The following SPATA7 variants were observed in gnomAD, a reference collection of about 807,000 sequenced individuals.
The protein encoded by SPATA7 is spermatogenesis associated 7, also known as spermatogenesis-associated protein 7.
Under a neutral mutation model 51.8 loss-of-function variants are expected in SPATA7, and 43 were observed. That is an observed-to-expected ratio of 0.83 (90% confidence interval 0.65 to 1.07). The LOEUF (loss-of-function observed/expected upper bound fraction) is 1.07, where lower values mean the gene tolerates loss of function less well. Among genes scored for constraint, SPATA7 ranks in the 50% least tolerant of loss-of-function variants. The pLI is 0.00. For synonymous variants in SPATA7, 230 were observed against 252.8 expected, an observed-to-expected ratio of 0.91 and a Z score of 0.86; for missense variants, 683 against 701.3, an observed-to-expected ratio of 0.97 and a Z score of 0.30.
intron 3 of SPATA7, among the ~76,000 whole-genome samples, chr14:88,395,059 G>C (rs2075844784): frequency 6.6e-6 from 1 of 151,960 alleles, no homozygotes; most frequent in African/African-American, 2.4e-5. Flanking sequence ...TCTGTAGCTG[G>C]TGTTTTCATT....
intron 4 of SPATA7, chr14:88,466,972 G>A (rs2077373970): frequency 6.6e-6 from 1 of 152,150 alleles, no homozygotes; most frequent in Non-Finnish European, 1.5e-5. Context: ...AACAATACAG[G>A]TTGAGGTGGG....
In SPATA7 at chr14:88,427,581, G is replaced by C. The variant is rs758207422; in HGVS notation, c.846-49G>C. 1.8e-5 allele frequency: 23 copies of C among 1,297,742 alleles called. 1 individual carries two copies. In the South Asian group the frequency reaches 2.9e-4, roughly 16 times the overall value. 80.4% of individuals were successfully genotyped at this position (1,297,742 alleles called of 1,614,324 possible). On this transcript the variant is annotated intron_variant, in intron 6 of 11. Coordinates refer to ENST00000393545, the MANE Select transcript of SPATA7 (RefSeq NM_018418.5). ...CTAGCCAGTAAACCTTGTTACCACA[G>C]TGCTTATATTTTGAAGGATTAACAA...
downstream of SPATA7, among the ~76,000 whole-genome samples, chr14:88,439,150 A>G (rs1432212666): frequency 6.6e-6 from 1 of 152,220 alleles, no homozygotes; most frequent in Non-Finnish European, 1.5e-5. Flanking sequence ...GCTATGGGAA[A>G]TGGTTTATGA....
intron 5 of SPATA7, among the ~76,000 whole-genome samples, chr14:88,424,835 A>G (rs1332201574): frequency 6.6e-6 from 1 of 152,194 alleles, no homozygotes; most frequent in Non-Finnish European, 1.5e-5. Context: ...GTTATAAAAC[A>G]GTTGGAAAGG....
intron 10 of SPATA7, among the ~76,000 whole-genome samples, chr14:88,434,556 G>A (rs34365870): frequency 0.16 from 24,333 of 151,646 alleles, 2,279 homozygotes; most frequent in Middle Eastern, 0.24. Flanking sequence ...GTGGTGGTGC[G>A]CGCCTGTAGT....
intron 5 of SPATA7, among the ~76,000 whole-genome samples, chr14:88,422,021 G>A (rs2076660526): frequency 6.6e-6 from 1 of 152,060 alleles, no homozygotes; most frequent in Non-Finnish European, 1.5e-5. Context: ...AGAAGCAGGA[G>A]TTAAAATCCT....
At chr14:88,422,502 A>C (rs1330189151) in intron 5 of SPATA7, among the ~76,000 whole-genome samples, 4 of 151,168 alleles carry the variant, frequency 2.6e-5, no homozygotes, top group Non-Finnish European at 5.9e-5. Flanking sequence ...TTACTAATTA[A>C]ATTTTGAGAT....
chr14:88,458,442 T>G (rs1291466672), downstream of SPATA7, among the ~76,000 whole-genome samples: 1 of 152,196 alleles, frequency 6.6e-6, no homozygotes. Context: ...TTCTTCCTGG[T>G]TTAGTCTTGG....
Position 88,469,010 on chromosome 14 carries a change from T to C in SPATA7, c.255-837T>C, listed in dbSNP as rs139106438. The C allele has an allele frequency of 2.5e-5, 41 of 1,613,970 alleles. No individual in the cohort carries two copies. In the African/African-American group the frequency reaches 4.4e-4, roughly 17 times the overall value. On this transcript the variant is annotated intron_variant, in intron 4 of 4. Coordinates refer to the SPATA7 transcript ENST00000556406. This position sits in a 1 kb window ranked among gnomAD's most constrained non-coding sequence, Gnocchi z 4.3. ...ACTGCAGTGGACCAACAACGGAGGG[T>C]TGGGGCTTTGGGGATCACTTGTGCT... is the stretch of plus-strand genomic sequence containing the variant.
At chr14:88,465,492 T>C (rs1028521781) in intron 4 of SPATA7, among the ~76,000 whole-genome samples, 1 of 152,058 alleles carries the variant, frequency 6.6e-6, no homozygotes, top group Non-Finnish European at 1.5e-5. Flanking sequence ...AATGAGTACT[T>C]TCTGTGCTCA....
chr14:88,437,819 C>G lies in SPATA7; in HGVS notation c.1216-19C>G. The G allele has an allele frequency of 6.3e-7, 1 of 1,578,232 alleles. No individual in the cohort carries two copies. Among genetic ancestry groups the G allele is most frequent in the Non-Finnish European group, 8.6e-7 (1 of 1,166,794 alleles). On this transcript the variant is annotated intron_variant, in intron 11 of 11. Coordinates refer to ENST00000393545, the MANE Select transcript of SPATA7 (RefSeq NM_018418.5). ...TTGACTCAATTAATGTAATTAGTCT[C>G]ATCTTTTCTTAATCCTAGGAAAAAA...
chr14:88,413,095 G>A (rs999666320), intron 4 of SPATA7, among the ~76,000 whole-genome samples: 1 of 152,082 alleles, frequency 6.6e-6, no homozygotes, highest in Admixed American at 6.6e-5. Flanking sequence ...AAAATGATGT[G>A]AGTAGTTTGA....
rs386834241 is a variant in SPATA7, at chr14:88,429,394, T to TA, written c.960dup (p.Pro321ThrfsTer6). On this transcript the variant is annotated frameshift_variant, in exon 8 of 12. Transcript: ENST00000393545. LOFTEE classifies it high-confidence loss of function. ...GATGCCAAAGAAAAAATAGCTCCTT[T>TA]ACCTTTAGAAGGGCATGACTCAACA... 5.6e-6 allele frequency: 9 copies of TA among 1,612,772 alleles called. No homozygotes were observed. The South Asian group carries it at 9.9e-5, about 18-fold the overall frequency.
chr14:88,411,686 C>T (rs1202529342), intron 4 of SPATA7, among the ~76,000 whole-genome samples: 2 of 152,252 alleles, frequency 1.3e-5, no homozygotes, highest in East Asian at 3.9e-4. Context: ...TTCAGCTCAC[C>T]CTCCGTGGGC....
Position 88,437,936 on chromosome 14 carries a change from A to G in SPATA7, c.1314A>G (p.Val438=), listed in dbSNP as rs751808667. Residue 438 remains valine (V), a synonymous_variant, in exon 12 of 12, where the codon GTA becomes GTG. Coordinates refer to ENST00000393545, the MANE Select transcript of SPATA7 (RefSeq NM_018418.5). ...AAAATGATGTTGATATGTTGAATGT[A>G]TTTGATTTTGAAAAGGCTGGGAATT... The part of the protein sequence containing the change: ...VKQNDVDMLN[V]FDFEKAGNSE... 13 of 1,613,870 alleles carry G rather than the reference A, an allele frequency of 8.1e-6. No individual in the cohort carries two copies. The highest frequency in any genetic ancestry group is 1.1e-5 in the Non-Finnish European group (13 of 1,179,964).
At chr14:88,416,409 CTT>C (rs536916579) in intron 4 of SPATA7, 2,674 of 120,934 alleles carry the variant, frequency 0.022, 44 homozygotes, top group African/African-American at 0.088. Context: ...TGTTGGCATT[CTT>C]TTTTTTTTTT....
At chr14:88,456,662 C>T (rs2077285882), downstream of SPATA7, among the ~76,000 whole-genome samples, 1 of 150,548 alleles carries the variant, frequency 6.6e-6, no homozygotes, top group Admixed American at 6.6e-5. Context: ...AATTTTCTCC[C>T]ATTCTGTAGG....
downstream of SPATA7, among the ~76,000 whole-genome samples, chr14:88,460,110 A>G (rs2077308046): frequency 6.6e-6 from 1 of 152,194 alleles, no homozygotes; most frequent in Non-Finnish European, 1.5e-5. Context: ...CTTTGTGGGT[A>G]ACCCGACCTT....
intron 4 of SPATA7, chr14:88,467,887 G>C: frequency 3.8e-6 from 2 of 528,442 alleles, no homozygotes; most frequent in Non-Finnish European, 3.3e-6. Context: ...ACTGCAAACC[G>C]GACAGACCGG....
Sources: allele counts gnomAD v4.1 joint callset (sites outside exome capture counted in the v4.1 genomes callset), GRCh38; gene constraint gnomAD v4.1.1; non-coding constraint Gnocchi (gnomAD v3.1); transcripts MANE v1.5; gene names NCBI Gene and HGNC (gene_info 2026-07-23, HGNC 2026-07-21).